The following CIMIP5 variants were observed in gnomAD, a reference collection of about 807,000 sequenced individuals.
CIMIP5 encodes uncharacterized protein C2orf50.
At chr2:11,136,139 A>G in the CIMIP5 span, among the ~76,000 whole-genome samples, 13 of 151,998 alleles carry the variant, frequency 8.6e-5, no homozygotes, top group African/African-American at 2.4e-5. Flanking sequence ...GTTTGATGTA[A>G]TCCCATCTGT....
chr2:11,147,931 A>G, the CIMIP5 span, among the ~76,000 whole-genome samples: 2 of 152,230 alleles, frequency 1.3e-5, no homozygotes, highest in African/African-American at 4.8e-5. Flanking sequence ...GGGAGGGTGG[A>G]TGGGCCAGGA....
chr2:11,148,515 G>C, the CIMIP5 span, among the ~76,000 whole-genome samples: 2 of 152,060 alleles, frequency 1.3e-5, no homozygotes, highest in African/African-American at 4.8e-5. Flanking sequence ...TTCAAAAAGT[G>C]ATGAAAATAT....
the CIMIP5 span, among the ~76,000 whole-genome samples, chr2:11,149,551 C>A: frequency 1.3e-5 from 2 of 151,854 alleles, no homozygotes; most frequent in African/African-American, 4.8e-5. Context: ...GCTAAAAATA[C>A]AAAAAATTAG....
the CIMIP5 span, among the ~76,000 whole-genome samples, chr2:11,136,753 T>C: frequency 6.6e-6 from 1 of 152,242 alleles, no homozygotes; most frequent in Admixed American, 6.5e-5. Context: ...GTGAATCTTA[T>C]GGAATGTGAA....
chr2:11,143,802 T>G, the CIMIP5 span: 1 of 879,160 alleles, frequency 1.1e-6, no homozygotes, highest in South Asian at 2.8e-5. Flanking sequence ...CAAACCAGGA[T>G]TGAATCACCT....
the CIMIP5 span, among the ~76,000 whole-genome samples, chr2:11,147,872 T>C: frequency 5.4e-4 from 82 of 152,252 alleles, 1 homozygote; most frequent in African/African-American, 1.9e-3. Context: ...GAGGGGCATC[T>C]GCAGTGAAGT....
the CIMIP5 span, among the ~76,000 whole-genome samples, chr2:11,142,521 A>G: frequency 1.3e-5 from 2 of 152,218 alleles, no homozygotes; most frequent in East Asian, 3.9e-4. Flanking sequence ...GCTAAGGGCT[A>G]CATGATAGCA....
the CIMIP5 span, among the ~76,000 whole-genome samples, chr2:11,142,161 G>A: frequency 6.6e-6 from 1 of 151,688 alleles, no homozygotes; most frequent in Admixed American, 6.6e-5. Flanking sequence ...AGCTACTCGG[G>A]AGGCTGAGGC....
At chr2:11,143,912 C>G in the CIMIP5 span, 2 of 1,566,786 alleles carry the variant, frequency 1.3e-6, no homozygotes, top group Non-Finnish European at 1.7e-6. Flanking sequence ...GCTGTCCCCT[C>G]TCCTCAGGGC....
the CIMIP5 span, among the ~76,000 whole-genome samples, chr2:11,138,756 C>T: frequency 6.6e-6 from 1 of 152,092 alleles, no homozygotes; most frequent in Admixed American, 6.5e-5. Flanking sequence ...CTCCTTTGCT[C>T]CTGCTCTGGC....
At chr2:11,142,717 T>TTC in the CIMIP5 span, among the ~76,000 whole-genome samples, 1 of 143,254 alleles carries the variant, frequency 7.0e-6, no homozygotes, top group Non-Finnish European at 1.5e-5. Context: ...TGTCAGATTT[T>TTC]TTTTTTTTTT....
the CIMIP5 span, among the ~76,000 whole-genome samples, chr2:11,140,306 C>T: frequency 0.015 from 2,220 of 144,042 alleles, 51 homozygotes; most frequent in African/African-American, 0.055. Context: ...ACCCGGGAGG[C>T]GGAGCTTGCA....
chr2:11,146,262 G>A, the CIMIP5 span, among the ~76,000 whole-genome samples: 336 of 152,336 alleles, frequency 2.2e-3, no homozygotes, highest in African/African-American at 7.9e-3. Flanking sequence ...CTAAAGCGCA[G>A]AGAGGTTAAG....
chr2:11,136,928 G>A, the CIMIP5 span, among the ~76,000 whole-genome samples: 1 of 152,144 alleles, frequency 6.6e-6, no homozygotes, highest in Non-Finnish European at 1.5e-5. Context: ...AGAGAAGAAA[G>A]CCAGGGGCAC....
the CIMIP5 span, among the ~76,000 whole-genome samples, chr2:11,140,962 C>T: frequency 6.6e-6 from 1 of 151,998 alleles, no homozygotes; most frequent in Non-Finnish European, 1.5e-5. Context: ...ACATTGCCAC[C>T]AGACTAATTT....
chr2:11,150,624 G>A, the CIMIP5 span, among the ~76,000 whole-genome samples: 1 of 147,564 alleles, frequency 6.8e-6, no homozygotes, highest in African/African-American at 2.5e-5. Flanking sequence ...GAGCCACCGT[G>A]CCCGGTGGTT....
chr2:11,137,385 AAAAAC>A, the CIMIP5 span, among the ~76,000 whole-genome samples: 11 of 152,358 alleles, frequency 7.2e-5, no homozygotes, highest in Middle Eastern at 6.8e-3. Context: ...AAAAAAAACA[AAAAAC>A]AAAAAGAACT....
chr2:11,152,041 T>G, the CIMIP5 span, among the ~76,000 whole-genome samples: 1 of 152,204 alleles, frequency 6.6e-6, no homozygotes, highest in Non-Finnish European at 1.5e-5. Flanking sequence ...AAGTGAAGTT[T>G]TCTCGCTGTC....
At chr2:11,151,350 C>T in the CIMIP5 span, among the ~76,000 whole-genome samples, 1 of 152,240 alleles carries the variant, frequency 6.6e-6, no homozygotes, top group Non-Finnish European at 1.5e-5. Flanking sequence ...TTTACTGCCA[C>T]CACCAATGGC....
Sources: allele counts gnomAD v4.1 joint callset (sites outside exome capture counted in the v4.1 genomes callset), GRCh38; gene constraint gnomAD v4.1.1; transcripts MANE v1.5; gene names NCBI Gene and HGNC (gene_info 2026-07-23, HGNC 2026-07-21).